ARHGAP30: variants seen among roughly 807,000 people sequenced by gnomAD.
ARHGAP30 encodes the protein rho GTPase-activating protein 30.
ARHGAP30 carries 23 observed loss-of-function variants against 72.0 expected under a neutral mutation model. The observed-to-expected ratio is 0.32, with a 90% CI of 0.23 to 0.45. The LOEUF is 0.45. Ranked by LOEUF, ARHGAP30 falls within the 20% of genes least tolerant of loss-of-function variation. The pLI is 1.00. For synonymous variants in ARHGAP30, 576 were observed against 528.2 expected (o/e 1.09, Z -1.24); for missense variants, 1,319 against 1,383.4 (o/e 0.95, Z 0.74).
Position 161,048,303 on chromosome 1 carries a change from T to G in ARHGAP30, c.2718A>C (p.Pro906=). ...GAGAACAGGGGCATAGACAGCCGTC[T>G]GGACTGGGCTGCCCCTCAGGCTCCA... ...EEMEPEGQPS[P]DGCLCPCSLG... is the part of the protein sequence containing the mutation. Residue 906 remains proline, a synonymous_variant, in exon 12 of 12, where the codon CCA becomes CCC. Transcript: ENST00000368013. 6.2e-7 allele frequency: 1 copy of G among 1,614,210 alleles called. No individual in the cohort carries two copies. The highest frequency in any genetic ancestry group is 8.5e-7 in the Non-Finnish European group (1 of 1,180,024).
Position 161,049,098 on chromosome 1 carries a change from T to C in ARHGAP30, c.1923A>G (p.Gly641=). ...CCCCACCCTGTCCCAGAGCCTGCCT[T>C]CCACATCCTGCTGCCTCTCCCTCCA... ...GSLEGEAAGC[G]RQALGQGGEE... is the part of the protein sequence containing the mutation. Residue 641 remains glycine (G), a synonymous_variant, in exon 12 of 12, where the codon GGA becomes GGG. Transcript: ENST00000368013. The C allele has an allele frequency of 6.2e-7, 1 of 1,614,068 alleles. No homozygotes were observed. Among genetic ancestry groups the C allele is most frequent in the South Asian group, 1.1e-5 (1 of 91,072 alleles).
At chr1:161,053,519 C>T (rs891938975) in intron 5 of ARHGAP30, 134 bp from the exon 6 acceptor site, 9 of 1,052,884 alleles carry the variant, frequency 8.5e-6, no homozygotes, top group Non-Finnish European at 1.2e-5. Context: ...ATGACCTTAA[C>T]CCCTTCTCTA....
intron 1 of ARHGAP30, among the ~76,000 whole-genome samples, chr1:161,066,039 A>G (rs927377528): frequency 3.3e-5 from 5 of 149,858 alleles, no homozygotes; most frequent in African/African-American, 1.2e-4. Flanking sequence ...TAATTTTTGT[A>G]TTTTTAGTAG....
At chr1:161,053,889 A>T (rs1367336966) in intron 5 of ARHGAP30, among the ~76,000 whole-genome samples, 3 of 152,140 alleles carry the variant, frequency 2.0e-5, no homozygotes, top group Non-Finnish European at 4.4e-5. Flanking sequence ...AACATGGTGA[A>T]ACCCCTTCTC....
In ARHGAP30 at chr1:161,048,081, C is replaced by G. The variant is rs929743509; in HGVS notation, c.2940G>C (p.Trp980Cys). The G allele has an allele frequency of 6.2e-7, 1 of 1,614,176 alleles. No individual in the cohort carries two copies. The highest frequency in any genetic ancestry group is 1.3e-5 in the African/African-American group (1 of 75,042). The change falls in exon 12 of 12, where the codon TGG (tryptophan) becomes TGC (cysteine). Residue 980 changes from tryptophan to cysteine, a missense_variant. This residue lies in a region of ARHGAP30 where 1,097 missense variants were observed against 1,045.2 expected (regional missense o/e 1.05). Coordinates refer to ENST00000368013, the MANE Select transcript of ARHGAP30 (RefSeq NM_001025598.2). ...AAGAGGATCGAGAAGCTCGGGACCCCCAAGCCCTTTCTCCAGGAGTCCCAT... is the reference window on the plus strand; with the variant it reads ...AAGAGGATCGAGAAGCTCGGGACCCGCAAGCCCTTTCTCCAGGAGTCCCAT... ...RLDGTPGERAWGSRASRSSWR... is the reference protein window; with the variant it reads ...RLDGTPGERACGSRASRSSWR...
chr1:161,048,238 A>C lies in ARHGAP30; in HGVS notation c.2783T>G (p.Leu928Arg), dbSNP rs200666764. 9 of 1,614,076 alleles carry C rather than the reference A, an allele frequency of 5.6e-6. No individual in the cohort carries two copies. In the African/African-American group the frequency reaches 1.2e-4, roughly 22 times the overall value. ...GGVGMRLASTLVQVQQVRSVP... is the reference protein window; with the variant it reads ...GGVGMRLASTRVQVQQVRSVP... The stretch of plus-strand genomic sequence containing the variant: ...AGAGCGGACCTGTTGGACCTGAACC[A>C]GAGTGGAAGCTAGACGCATGCCCAC... Residue 928 changes from leucine to arginine, a missense_variant, in exon 12 of 12, where the codon CTG becomes CGG. Coordinates refer to ENST00000368013, the MANE Select transcript of ARHGAP30 (RefSeq NM_001025598.2).
At position 161,048,960 on chromosome 1, in the gene ARHGAP30, C is replaced by T; in HGVS notation, c.2061G>A (p.Lys687=). ...GSPETKVEAG[K]ASEDRGEAGG... ...CAGCCTCCCCTCTATCCTCACTGGCCTTTCCAGCCTCCACCTTGGTCTCTG... is the reference window on the plus strand; with the variant it reads ...CAGCCTCCCCTCTATCCTCACTGGCTTTTCCAGCCTCCACCTTGGTCTCTG... Residue 687 remains lysine (K), a synonymous_variant, in exon 12 of 12, where the codon AAG becomes AAA. Coordinates refer to ENST00000368013, the MANE Select transcript of ARHGAP30 (RefSeq NM_001025598.2). 6.2e-7 allele frequency: 1 copy of T among 1,613,936 alleles called. No homozygotes were observed.
chr1:161,069,665 C>G lies in ARHGAP30; in HGVS notation c.-41G>C, dbSNP rs760234578. 1 of 1,592,322 alleles carries G rather than the reference C, an allele frequency of 6.3e-7. No homozygotes were observed. The highest frequency in any genetic ancestry group is 8.5e-7 in the Non-Finnish European group (1 of 1,169,664). On this transcript the variant is annotated 5_prime_UTR_variant, in exon 1 of 12. Coordinates refer to ENST00000368013, the MANE Select transcript of ARHGAP30 (RefSeq NM_001025598.2). The surrounding 1 kb of genome is among the most constrained non-coding windows in gnomAD (Gnocchi z 4.9). ...GCACTGGCCCGGTCACCTCTATCCC[C>G]CAAGACCTGTGCCCTACCAGTCCCC...
Position 161,047,482 on chromosome 1 carries a change from G to A in ARHGAP30, c.*233C>T. ...CCAATGACCCACTCCCTGGGAACAA[G>A]ATCTTGTTGACTTTCTTGGGAATCT... On this transcript the variant is annotated 3_prime_UTR_variant, in exon 12 of 12. Transcript: ENST00000368013. 1 of 373,216 alleles carries A rather than the reference G, an allele frequency of 2.7e-6. No individual in the cohort carries two copies. Among genetic ancestry groups the A allele is most frequent in the Non-Finnish European group, 4.7e-6 (1 of 211,620 alleles). 23.1% of individuals were successfully genotyped at this position (373,216 alleles called of 1,614,324 possible). A position where few individuals can be genotyped will look rare whatever the true frequency, so the allele number is the denominator to read the frequency against.
intron 9 of ARHGAP30, among the ~76,000 whole-genome samples, chr1:161,052,041 A>C (rs1651434424): frequency 3.0e-5 from 1 of 33,694 alleles, no homozygotes; most frequent in African/African-American, 1.1e-4. Flanking sequence ...CACCACCACC[A>C]CCACCACCAC....
At chr1:161,054,568 G>T in intron 4 of ARHGAP30, 55 bp downstream of exon 4, 1 of 1,604,598 alleles carries the variant, frequency 6.2e-7, no homozygotes, top group East Asian at 2.2e-5. Flanking sequence ...AAGGCTCCAG[G>T]CAGCGAGTGA....
intron 9 of ARHGAP30, 137 bp downstream of exon 9, chr1:161,052,149 C>T: frequency 2.3e-6 from 2 of 886,556 alleles, no homozygotes; most frequent in Non-Finnish European, 3.6e-6. Context: ...GCTACATTTA[C>T]AATGTGGCTG....
At position 161,048,261 on chromosome 1, in the gene ARHGAP30, C is replaced by A; in HGVS notation, c.2760G>T (p.Val920=). The change falls in exon 12 of 12, where the codon GTG becomes GTT. Residue 920 remains valine, a synonymous_variant. Coordinates refer to ENST00000368013, the MANE Select transcript of ARHGAP30 (RefSeq NM_001025598.2). ...CCAGAGTGGAAGCTAGACGCATGCC[C>A]ACGCCACCCAGGCCAAGAGAACAGG... ...LCPCSLGLGG[V]GMRLASTLVQ... 6.2e-7 allele frequency: 1 copy of A among 1,614,202 alleles called. No homozygotes were observed.
At chr1:161,064,791 GA>G (rs1257482510) in intron 1 of ARHGAP30, among the ~76,000 whole-genome samples, 1 of 56,458 alleles carries the variant, frequency 1.8e-5, no homozygotes, top group Non-Finnish European at 3.2e-5. Context: ...AAGAAAGAAA[GA>G]AAGAAAGAAA....
At chr1:161,059,182 C>T (rs1441204566) in intron 2 of ARHGAP30, among the ~76,000 whole-genome samples, 1 of 151,918 alleles carries the variant, frequency 6.6e-6, no homozygotes, top group Non-Finnish European at 1.5e-5. Context: ...GTGTGTGCCA[C>T]CACACCCAGC....
chr1:161,058,703 A>C (rs1652083517), intron 2 of ARHGAP30, among the ~76,000 whole-genome samples: 1 of 150,818 alleles, frequency 6.6e-6, no homozygotes, highest in Non-Finnish European at 1.5e-5. Flanking sequence ...TCTACTAAAA[A>C]TACAAAAATT....
chr1:161,052,971 G>T (rs1041334882), intron 6 of ARHGAP30, 174 bp from the exon 7 acceptor site: 9 of 955,174 alleles, frequency 9.4e-6, no homozygotes, highest in Admixed American at 8.7e-5. Context: ...GACAAAGAGG[G>T]CTGGGAGATC....
In ARHGAP30 at chr1:161,051,495, T is replaced by A. The variant is rs779713047; in HGVS notation, c.1239A>T (p.Ser413=). 25 of 1,614,110 alleles carry A rather than the reference T, an allele frequency of 1.5e-5. No homozygotes were observed. The South Asian group carries it at 2.4e-4, about 16-fold the overall frequency. The change falls in exon 10 of 12, where the codon TCA becomes TCT. Residue 413 remains serine (S), a synonymous_variant. Transcript: ENST00000368013. ...GCGGGAGGTTGACATTGTAGGGGTC[T>A]GAGATGTGGACACCAGCACAGCGTT... is the stretch of plus-strand genomic sequence containing the variant. ...RAERCAGVHI[S]DPYNVNLPLH...
chr1:161,065,581 T>G (rs1444595099), intron 1 of ARHGAP30, among the ~76,000 whole-genome samples: 8 of 151,942 alleles, frequency 5.3e-5, no homozygotes, highest in Admixed American at 5.2e-4. Flanking sequence ...TTTTTTTTTC[T>G]GAGACGGAGT....
Sources: allele counts gnomAD v4.1 joint callset (sites outside exome capture counted in the v4.1 genomes callset), GRCh38; gene constraint gnomAD v4.1.1; regional missense constraint gnomAD v4.1.1; non-coding constraint Gnocchi (gnomAD v3.1); transcripts MANE v1.5; gene names NCBI Gene and HGNC (gene_info 2026-07-23, HGNC 2026-07-21).